The following RPAP2 variants were observed in gnomAD, a reference collection of about 807,000 sequenced individuals.
RPAP2 encodes the protein RNA polymerase II associated protein 2, also known as putative RNA polymerase II subunit B1 CTD phosphatase RPAP2.
Under a neutral mutation model 73.1 loss-of-function variants are expected in RPAP2, and 52 were observed. The observed-to-expected ratio is 0.71, with a 90% confidence interval of 0.57 to 0.90. RPAP2 has a LOEUF of 0.90. Among genes scored for constraint, RPAP2 ranks in the 40% least tolerant of loss-of-function variants. RPAP2 has a pLI of 0.00. For synonymous variants in RPAP2, 225 were observed against 242.1 expected (o/e 0.93, Z 0.65); for missense variants, 598 against 701.8 (o/e 0.85, Z 1.67).
At chr1:92,300,108 TTTAATC>T in intron 1 of RPAP2, 80 bp from the exon 2 acceptor site, 1 of 879,898 alleles carries the variant, frequency 1.1e-6, no homozygotes, top group Non-Finnish European at 1.8e-6. Flanking sequence ...AATACAGTAT[TTTAATC>T]TTATGAGACC....
At chr1:92,313,921 C>T (rs1651745671) in intron 6 of RPAP2, among the ~76,000 whole-genome samples, 1 of 152,202 alleles carries the variant, frequency 6.6e-6, no homozygotes, top group South Asian at 2.1e-4. Context: ...ATGAACCAAA[C>T]TTTGCTATCT....
chr1:92,300,112 A>G (rs1483615487), intron 1 of RPAP2, 82 bp from the exon 2 acceptor site: 2 of 910,694 alleles, frequency 2.2e-6, no homozygotes, highest in Admixed American at 4.3e-5. Context: ...CAGTATTTTA[A>G]TCTTATGAGA....
chr1:92,369,232 TTTATTTACATAGAAG>T (rs1406069473), intron 11 of RPAP2, among the ~76,000 whole-genome samples: 1 of 152,206 alleles, frequency 6.6e-6, no homozygotes, highest in East Asian at 1.9e-4. Flanking sequence ...ATTACTGTTT[TTTATTTACATAGAAG>T]TTATTTGGGC....
intron 5 of RPAP2, among the ~76,000 whole-genome samples, chr1:92,305,687 A>G (rs535482103): frequency 8.5e-5 from 13 of 152,260 alleles, no homozygotes; most frequent in African/African-American, 2.9e-4. Flanking sequence ...ACTAATAGAA[A>G]AATTTACACA....
At chr1:92,380,289 A>C (rs1571148855) in intron 11 of RPAP2, among the ~76,000 whole-genome samples, 1 of 152,096 alleles carries the variant, frequency 6.6e-6, no homozygotes, top group Non-Finnish European at 1.5e-5. Context: ...AAAAAAAAAA[A>C]AACAAATAAA....
chr1:92,357,006 C>T (rs1165700986), intron 11 of RPAP2, among the ~76,000 whole-genome samples: 4 of 151,194 alleles, frequency 2.6e-5, no homozygotes, highest in Non-Finnish European at 5.9e-5. Flanking sequence ...GCAGAGGTTG[C>T]AGTGAGCTGA....
intron 10 of RPAP2, among the ~76,000 whole-genome samples, chr1:92,339,460 A>C (rs1304930331): frequency 2.0e-5 from 3 of 152,072 alleles, no homozygotes; most frequent in Non-Finnish European, 2.9e-5. Context: ...GTAGGGCATG[A>C]TGCAAAAAAT....
At chr1:92,358,176 A>G (rs573080084) in intron 11 of RPAP2, among the ~76,000 whole-genome samples, 1 of 152,332 alleles carries the variant, frequency 6.6e-6, no homozygotes, top group South Asian at 2.1e-4. Flanking sequence ...GCTCTTAAAG[A>G]AAAACTTTTT....
intron 11 of RPAP2, among the ~76,000 whole-genome samples, chr1:92,358,133 C>T (rs1390645000): frequency 1.3e-5 from 2 of 152,144 alleles, no homozygotes; most frequent in African/African-American, 4.8e-5. Context: ...TACTATCTTC[C>T]ACCTTGCGTC....
intron 11 of RPAP2, among the ~76,000 whole-genome samples, chr1:92,352,092 T>C (rs1654250861): frequency 6.6e-6 from 1 of 152,224 alleles, no homozygotes; most frequent in African/African-American, 2.4e-5. Flanking sequence ...ATGCCCTTGA[T>C]GTTCTCTAAT....
intron 11 of RPAP2, among the ~76,000 whole-genome samples, chr1:92,373,556 A>G (rs1294243472): frequency 6.6e-6 from 1 of 151,920 alleles, no homozygotes; most frequent in Non-Finnish European, 1.5e-5. Context: ...CATCAGAGCG[A>G]TAGTATATAA....
chr1:92,381,111 T>C (rs1224017351), intron 12 of RPAP2, among the ~76,000 whole-genome samples: 3 of 152,150 alleles, frequency 2.0e-5, no homozygotes, highest in African/African-American at 7.2e-5. Flanking sequence ...TTCTGTTTTT[T>C]GCAGTCCAGG....
intron 11 of RPAP2, 70 bp downstream of exon 11, chr1:92,345,984 G>T (rs1653874200): frequency 9.3e-7 from 1 of 1,077,174 alleles, no homozygotes; most frequent in Admixed American, 2.0e-5. Context: ...AAAACAAAGT[G>T]ATCCACTGAT....
chr1:92,330,927 A>G (rs1464942111), intron 8 of RPAP2, among the ~76,000 whole-genome samples: 3 of 152,132 alleles, frequency 2.0e-5, no homozygotes, highest in African/African-American at 7.2e-5. Context: ...TTACTGAATG[A>G]GAATTACTTT....
In RPAP2 at chr1:92,375,443, C is replaced by T. The variant is rs554982286; in HGVS notation, c.1689-5281C>T. ...GGTGCAGTGGCTCACACCTGTAATCCTAGCACTTTGGGAGGCTGAGGCAGG... is the reference window on the plus strand; with the variant it reads ...GGTGCAGTGGCTCACACCTGTAATCTTAGCACTTTGGGAGGCTGAGGCAGG... On this transcript the variant is annotated intron_variant, in intron 11 of 12. Coordinates refer to ENST00000610020, the MANE Select transcript of RPAP2 (RefSeq NM_024813.3). 5.9e-5 allele frequency among the ~76,000 whole-genome samples: 9 copies of T among 152,184 alleles called. No homozygotes were observed. The East Asian group carries it at 1.5e-3, about 26-fold the overall frequency.
At chr1:92,304,970 A>G (rs957738109) in intron 5 of RPAP2, among the ~76,000 whole-genome samples, 17 of 151,728 alleles carry the variant, frequency 1.1e-4, no homozygotes, top group Admixed American at 3.3e-4. Flanking sequence ...CCCTGTCTCT[A>G]CAAAAAGTAC....
At chr1:92,309,055 C>G (rs1292814845) in intron 6 of RPAP2, among the ~76,000 whole-genome samples, 1 of 152,280 alleles carries the variant, frequency 6.6e-6, no homozygotes, top group South Asian at 2.1e-4. Flanking sequence ...CTCACTGTTT[C>G]CCAAAACTTG....
intron 11 of RPAP2, among the ~76,000 whole-genome samples, chr1:92,379,443 A>C (rs1655526356): frequency 6.6e-6 from 1 of 152,188 alleles, no homozygotes; most frequent in Admixed American, 6.5e-5. Flanking sequence ...AATCTTTATA[A>C]TTAGAATAGA....
chr1:92,375,820 G>C (rs1327514873), intron 11 of RPAP2, among the ~76,000 whole-genome samples: 1 of 151,744 alleles, frequency 6.6e-6, no homozygotes, highest in Admixed American at 6.6e-5. Flanking sequence ...GACAGGGTGA[G>C]ACTCTGTCTC....
Sources: allele counts gnomAD v4.1 joint callset (sites outside exome capture counted in the v4.1 genomes callset), GRCh38; gene constraint gnomAD v4.1.1; transcripts MANE v1.5; gene names NCBI Gene and HGNC (gene_info 2026-07-23, HGNC 2026-07-21).